Variants in TSHZ2 observed in about 807,000 individuals in gnomAD.
TSHZ2 encodes teashirt zinc finger homeobox 2, also known as teashirt homolog 2.
In TSHZ2, 21 loss-of-function variants were observed where a neutral mutation model predicts 74.4. The observed-to-expected ratio is 0.28, with a 90% confidence interval of 0.20 to 0.41. The LOEUF is 0.41. TSHZ2 is among the 10% of genes least tolerant of loss of function. TSHZ2 has a pLI of 1.00. For synonymous variants in TSHZ2, 540 were observed against 515.3 expected, an observed-to-expected ratio of 1.05 and a Z score of -0.65; for missense variants, 1,244 against 1,293.5, an observed-to-expected ratio of 0.96 and a Z score of 0.59.
chr20:53,207,362 A>C (rs1403948193), intron 1 of TSHZ2, among the ~76,000 whole-genome samples: 1 of 152,136 alleles, frequency 6.6e-6, no homozygotes, highest in Non-Finnish European at 1.5e-5. Flanking sequence ...ATTTTGCTGT[A>C]GTTAAAAATC....
chr20:53,266,577 T>A (rs991899980), intron 2 of TSHZ2, among the ~76,000 whole-genome samples: 2 of 152,126 alleles, frequency 1.3e-5, no homozygotes, highest in African/African-American at 4.8e-5. Flanking sequence ...ATTCTCATTG[T>A]CCCATCATTA....
intron 2 of TSHZ2, among the ~76,000 whole-genome samples, chr20:53,360,455 T>G (rs963060081): frequency 4.6e-5 from 7 of 152,226 alleles, no homozygotes; most frequent in African/African-American, 1.4e-4. Flanking sequence ...TGAAGCACAG[T>G]GCTGGGCATA....
chr20:53,125,948 T>C (rs1986936626), intron 1 of TSHZ2, among the ~76,000 whole-genome samples: 1 of 152,242 alleles, frequency 6.6e-6, no homozygotes, highest in South Asian at 2.1e-4. Flanking sequence ...CATGACTTAG[T>C]GGCTACATTG....
intron 2 of TSHZ2, among the ~76,000 whole-genome samples, chr20:53,471,980 T>C (rs6097428): frequency 0.2 from 30,603 of 151,634 alleles, 3,261 homozygotes; most frequent in East Asian, 0.29. Context: ...TAATTTTGTA[T>C]TTTTAGTAGA....
At chr20:53,160,668 C>T (rs954961631) in intron 1 of TSHZ2, among the ~76,000 whole-genome samples, 1 of 148,622 alleles carries the variant, frequency 6.7e-6, no homozygotes, top group Non-Finnish European at 1.5e-5. Context: ...TCTCTTAAAC[C>T]CGGGAGGTGG....
chr20:53,378,319 G>A lies in TSHZ2; in HGVS notation c.*9-108825G>A, dbSNP rs1450637265. Among the ~76,000 whole-genome samples the A allele has an allele frequency of 6.7e-5, 10 of 149,256 alleles. No individual in the cohort carries two copies. The South Asian group carries it at 1.3e-3, about 19-fold the overall frequency. ...TGCGCCACTACACTCCAGCCTGGGC[G>A]ACAAAGCAAAACTTTGTATCAAAAT... is the stretch of plus-strand genomic sequence containing the variant. On this transcript the variant is annotated intron_variant, in intron 2 of 2. Transcript: ENST00000371497.
intron 1 of TSHZ2, among the ~76,000 whole-genome samples, chr20:53,078,447 A>G (rs1985431649): frequency 6.6e-6 from 1 of 152,234 alleles, no homozygotes. Flanking sequence ...AAGACATGAA[A>G]TGGTACAAGA....
chr20:53,005,894 T>C (rs983622288), intron 1 of TSHZ2, among the ~76,000 whole-genome samples: 4 of 152,006 alleles, frequency 2.6e-5, no homozygotes, highest in African/African-American at 9.6e-5. Flanking sequence ...CTGCCTTTCC[T>C]GTATACTCAA....
intron 2 of TSHZ2, chr20:53,399,138 GC>G (rs1349256819): frequency 6.6e-6 from 1 of 152,152 alleles, no homozygotes; most frequent in Non-Finnish European, 1.5e-5. Context: ...ACGGAGCACT[GC>G]CCATTATTCA....
intron 2 of TSHZ2, among the ~76,000 whole-genome samples, chr20:53,386,885 T>C (rs1191723380): frequency 2.6e-5 from 4 of 151,944 alleles, no homozygotes; most frequent in African/African-American, 9.7e-5. Context: ...CCTAGCCTTT[T>C]TTTTTTTAAA....
chr20:53,057,291 CATATTT>C (rs1298183481), intron 1 of TSHZ2, among the ~76,000 whole-genome samples: 5 of 152,144 alleles, frequency 3.3e-5, no homozygotes, highest in Non-Finnish European at 5.9e-5. Context: ...CATTTTTACT[CATATTT>C]ATATCTTCCT....
At chr20:53,305,097 G>C (rs966010295) in intron 2 of TSHZ2, among the ~76,000 whole-genome samples, 4 of 151,016 alleles carry the variant, frequency 2.6e-5, no homozygotes, top group African/African-American at 9.7e-5. Flanking sequence ...CACCACGCCT[G>C]ACTAATTTTT....
intron 1 of TSHZ2, among the ~76,000 whole-genome samples, chr20:53,076,832 A>G (rs1271596177): frequency 6.6e-6 from 1 of 152,234 alleles, no homozygotes; most frequent in Admixed American, 6.5e-5. Context: ...AAATTATAAA[A>G]GGGACTTGCA....
intron 1 of TSHZ2, among the ~76,000 whole-genome samples, chr20:53,115,172 G>A (rs1435151825): frequency 6.6e-6 from 1 of 152,084 alleles, no homozygotes; most frequent in African/African-American, 2.4e-5. Flanking sequence ...TTCCCCTTGT[G>A]GATCATACCT....
chr20:53,051,452 C>T (rs796662762), intron 1 of TSHZ2, among the ~76,000 whole-genome samples: 2 of 116,714 alleles, frequency 1.7e-5, no homozygotes, highest in African/African-American at 3.9e-5. Context: ...TACTCTGTGG[C>T]GCACGCACAC....
chr20:53,057,985 A>AT (rs1984696741), intron 1 of TSHZ2, among the ~76,000 whole-genome samples: 1 of 152,090 alleles, frequency 6.6e-6, no homozygotes, highest in Admixed American at 6.6e-5. Flanking sequence ...ATGGAGGACG[A>AT]TTTTTCTAGG....
At chr20:53,043,598 A>T (rs6022251) in intron 1 of TSHZ2, among the ~76,000 whole-genome samples, 103 of 152,288 alleles carry the variant, frequency 6.8e-4, no homozygotes, top group African/African-American at 2.3e-3. Flanking sequence ...GAGTGGAATT[A>T]TTGCTGCTGC....
rs752933439 is a variant in TSHZ2 at position 53,254,745 on chromosome 20, G to A, written c.1287G>A (p.Met429Ile). 3.1e-6 allele frequency: 5 copies of A among 1,613,596 alleles called. No homozygotes were observed. Among genetic ancestry groups the A allele is most frequent in the Admixed American group, 3.3e-5 (2 of 59,998 alleles). Residue 429 changes from methionine to isoleucine, a missense_variant, in exon 2 of 3, where the codon ATG becomes ATA. By Grantham distance (10) the Met-to-Ile change is conservative. This residue lies in a region of TSHZ2 where 562 missense variants were observed against 544.0 expected (regional missense o/e 1.03). Coordinates refer to ENST00000371497, the MANE Select transcript of TSHZ2 (RefSeq NM_173485.6). Reference protein sequence around the residue: ...LVLDPLAVEKMQSLSEAPNSD... With the variant: ...LVLDPLAVEKIQSLSEAPNSD... ...TAGACCCGTTAGCAGTGGAGAAAATGCAGTCGTTGTCTGAGGCCCCAAACA... is the reference window on the plus strand; with the variant it reads ...TAGACCCGTTAGCAGTGGAGAAAATACAGTCGTTGTCTGAGGCCCCAAACA...
Position 53,253,668 on chromosome 20 carries a change from A to C in TSHZ2, c.210A>C (p.Pro70=). The C allele has an allele frequency of 6.2e-7, 1 of 1,614,214 alleles. No homozygotes were observed. ...QKGCFSYQNS[P]GSHLSNQDAE... ...GCTGCTTCAGCTACCAGAACTCTCC[A>C]GGAAGTCATTTGTCCAATCAGGATG... The change falls in exon 2 of 3, where the codon CCA becomes CCC. Residue 70 remains proline, a synonymous_variant. Coordinates refer to ENST00000371497, the MANE Select transcript of TSHZ2 (RefSeq NM_173485.6).
Sources: gnomAD v4.1 joint callset for allele counts (sites outside exome capture counted in the v4.1 genomes callset) on GRCh38, gnomAD v4.1.1 for gene constraint, gnomAD v4.1.1 regional missense constraint, MANE v1.5 for transcripts, NCBI Gene and HGNC (gene_info 2026-07-23, HGNC 2026-07-21) for gene names.